CDK13: variants seen among roughly 807,000 people sequenced by gnomAD.
CDK13 encodes cyclin dependent kinase 13, also known as cyclin-dependent kinase 13.
In CDK13, 40 loss-of-function variants were observed where a neutral mutation model predicts 137.6. The ratio of observed to expected loss-of-function variants is 0.29; its 90% CI spans 0.23 to 0.38. The LOEUF is 0.38. Ranked by LOEUF, CDK13 falls within the 10% of genes least tolerant of loss-of-function variation. The pLI is 1.00. For missense variants in CDK13, 1,704 were observed against 1,951.8 expected (o/e 0.87, Z 2.39); for synonymous variants, 869 against 760.1 (o/e 1.14, Z -2.36).
At chr7:39,969,213 A>G (rs893276497) in intron 1 of CDK13, among the ~76,000 whole-genome samples, 1 of 152,034 alleles carries the variant, frequency 6.6e-6, no homozygotes, top group African/African-American at 2.4e-5. Context: ...GGGTTTCACC[A>G]TGTTGGCCAG....
rs73394653 is a variant in CDK13, at chr7:40,097,686, C to A, written c.*2706C>A. The A allele has an allele frequency of 2.1e-3, 327 of 152,182 alleles. 3 individuals carry two copies. The highest frequency in any genetic ancestry group is 0.01 in the Middle Eastern group (3 of 294). The allele number at this position is 152,182 out of a possible 1,614,324, so 9.4% of individuals were successfully genotyped here. On this transcript the variant is annotated 3_prime_UTR_variant, in exon 14 of 14. Transcript: ENST00000181839. ...AGAAGAAAGTATTTATCTTCTCCCA[C>A]GTGAAATTCCCTTTTGTATTTACTG...
intron 5 of CDK13, among the ~76,000 whole-genome samples, chr7:40,006,966 A>C (rs904067778): frequency 1.3e-5 from 2 of 152,166 alleles, no homozygotes; most frequent in Non-Finnish European, 2.9e-5. Context: ...CCCTACCCTC[A>C]AAAAGGTACT....
At chr7:39,981,584 A>G (rs1355065486) in intron 1 of CDK13, among the ~76,000 whole-genome samples, 8 of 152,176 alleles carry the variant, frequency 5.3e-5, no homozygotes, top group Non-Finnish European at 1.2e-4. Context: ...TTCCCAAACC[A>G]TGTTTGTTAT....
chr7:40,075,094 G>A (rs2150534388), intron 9 of CDK13, among the ~76,000 whole-genome samples: 1 of 152,088 alleles, frequency 6.6e-6, no homozygotes, highest in East Asian at 1.9e-4. Flanking sequence ...GTAAAGAGGT[G>A]GATAGGAGAT....
At chr7:40,091,036 C>T (rs1446709502) in intron 12 of CDK13, among the ~76,000 whole-genome samples, 10 of 151,846 alleles carry the variant, frequency 6.6e-5, no homozygotes, top group Non-Finnish European at 2.9e-5. Context: ...CATGGCAAAA[C>T]CATGTCTCTA....
At chr7:39,975,336 T>A (rs1784083586) in intron 1 of CDK13, among the ~76,000 whole-genome samples, 1 of 151,986 alleles carries the variant, frequency 6.6e-6, no homozygotes, top group African/African-American at 2.4e-5. Flanking sequence ...GCTTTGAGCC[T>A]GGGAGGTTGA....
chr7:40,043,308 G>C (rs1344491546), intron 5 of CDK13, among the ~76,000 whole-genome samples: 1 of 152,060 alleles, frequency 6.6e-6, no homozygotes, highest in Non-Finnish European at 1.5e-5. Flanking sequence ...TTTGTTTTCT[G>C]GTGTGTATTA....
At chr7:40,091,614 G>A (rs186397161) in intron 12 of CDK13, among the ~76,000 whole-genome samples, 5 of 151,878 alleles carry the variant, frequency 3.3e-5, no homozygotes, top group East Asian at 1.9e-4. Context: ...ATAAGAAAAC[G>A]CCCCTTCAGC....
intron 1 of CDK13, among the ~76,000 whole-genome samples, chr7:39,975,526 T>C (rs375191301): frequency 1.3e-3 from 203 of 152,306 alleles, no homozygotes; most frequent in African/African-American, 4.7e-3. Flanking sequence ...AATCTCCTAT[T>C]TTGTAGTATG....
chr7:40,094,449 G>C lies in CDK13; in HGVS notation c.4008G>C (p.Lys1336Asn), dbSNP rs754856422. Reference protein sequence around the residue: ...GDTYVSTSDYKDNFGSSSFSS... With the variant: ...GDTYVSTSDYNDNFGSSSFSS... ...CTTACGTGTCCACTTCAGACTACAA[G>C]GACAACTTTGGATCCTCTTCTTTCT... The change falls in exon 14 of 14, where the codon AAG becomes AAC. Residue 1336 changes from lysine to asparagine, a missense_variant. Coordinates refer to ENST00000181839, the MANE Select transcript of CDK13 (RefSeq NM_003718.5). The C allele has an allele frequency of 3.7e-6, 6 of 1,613,796 alleles. No individual in the cohort carries two copies. The African/African-American group carries it at 5.3e-5, about 14-fold the overall frequency.
intron 7 of CDK13, among the ~76,000 whole-genome samples, chr7:40,057,255 A>G (rs1374991904): frequency 6.6e-6 from 1 of 152,202 alleles, no homozygotes; most frequent in Non-Finnish European, 1.5e-5. Flanking sequence ...AACTGTCTCA[A>G]AAGAAAAAAA....
At position 39,951,006 on chromosome 7, in the gene CDK13, C is replaced by G. The variant is rs1272541164; in HGVS notation, c.365C>G (p.Ser122Trp). ...GAGGCGGAGAAGCGTCGGGTCTTCT[C>G]GCTGCCCCAGCCGCAGCAGGACGGC... ...GQEAEKRRVFSLPQPQQDGGG... is the reference protein window; with the variant it reads ...GQEAEKRRVFWLPQPQQDGGG... The change falls in exon 1 of 14, where the codon TCG (serine) becomes TGG (tryptophan). Residue 122 changes from serine (S) to tryptophan (W), a missense_variant. Ser to Trp is a radical substitution (Grantham distance 177). This residue lies in a region of CDK13 where 1,051 missense variants were observed against 931.0 expected (regional missense o/e 1.13). Coordinates refer to ENST00000181839, the MANE Select transcript of CDK13 (RefSeq NM_003718.5). 1 of 1,304,898 alleles carries G rather than the reference C, an allele frequency of 7.7e-7. No individual in the cohort carries two copies. Among genetic ancestry groups the G allele is most frequent in the Non-Finnish European group, 9.7e-7 (1 of 1,030,280 alleles). 80.8% of individuals were successfully genotyped at this position (1,304,898 alleles called of 1,614,324 possible).
At chr7:40,018,725 A>G (rs1324324865) in intron 5 of CDK13, among the ~76,000 whole-genome samples, 1 of 152,192 alleles carries the variant, frequency 6.6e-6, no homozygotes, top group Non-Finnish European at 1.5e-5. Context: ...AAATACATTC[A>G]AAGTGGTATA....
At chr7:40,007,809 T>C (rs1191451045) in intron 5 of CDK13, among the ~76,000 whole-genome samples, 39 of 152,230 alleles carry the variant, frequency 2.6e-4, no homozygotes, top group Admixed American at 2.6e-3. Context: ...TCAATTTTAT[T>C]CTTTGTGTTC....
rs144732307 is a variant in CDK13 at position 40,003,206 on chromosome 7, A to ACTCTCTCT, written c.2353+1188_2353+1195dup. On this transcript the variant is annotated intron_variant, in intron 5 of 13. Coordinates refer to ENST00000181839, the MANE Select transcript of CDK13 (RefSeq NM_003718.5). ...CACACACACACACACACACACACAC[A>ACTCTCTCT]CTCTCTCTCTCTCTCTCTCTTACTC... is the stretch of plus-strand genomic sequence containing the variant. Among the ~76,000 whole-genome samples, 337 of 79,868 alleles carry ACTCTCTCT rather than the reference A, an allele frequency of 4.2e-3. 10 individuals are homozygous for ACTCTCTCT. The highest frequency in any genetic ancestry group is 0.014 in the African/African-American group (291 of 21,044). 52.4% of individuals were successfully genotyped at this position (79,868 alleles called of 152,430 possible).
At chr7:39,976,676 T>G (rs779653645) in intron 1 of CDK13, among the ~76,000 whole-genome samples, 4 of 152,130 alleles carry the variant, frequency 2.6e-5, no homozygotes, top group Non-Finnish European at 5.9e-5. Context: ...CATACATACC[T>G]GTGATAAAGT....
At position 40,097,701 on chromosome 7, in the gene CDK13, T is replaced by C. The variant is rs988472316; in HGVS notation, c.*2721T>C. On this transcript the variant is annotated 3_prime_UTR_variant, in exon 14 of 14. Coordinates refer to ENST00000181839, the MANE Select transcript of CDK13 (RefSeq NM_003718.5). ...TCTTCTCCCACGTGAAATTCCCTTT[T>C]GTATTTACTGACACAGCAGGTTTTT... is the stretch of plus-strand genomic sequence containing the variant. 1.3e-5 allele frequency: 2 copies of C among 152,178 alleles called. No individual in the cohort carries two copies. The highest frequency in any genetic ancestry group is 4.8e-5 in the African/African-American group (2 of 41,458). 9.4% of individuals were successfully genotyped at this position (152,178 alleles called of 1,614,324 possible). A position where few individuals can be genotyped will look rare whatever the true frequency, so the allele number is the denominator to read the frequency against.
chr7:40,062,600 T>C (rs1786180141), intron 7 of CDK13: 1 of 466,300 alleles, frequency 2.1e-6, no homozygotes, highest in African/African-American at 2.0e-5. Context: ...CTACTTTTTG[T>C]TTTTATCTTC....
intron 12 of CDK13, 145 bp downstream of exon 12, chr7:40,088,476 A>C: frequency 1.5e-6 from 1 of 679,770 alleles, no homozygotes; most frequent in South Asian, 2.2e-5. Flanking sequence ...GTGCCAGTAC[A>C]GAAGTTTCAT....
Sources: gnomAD v4.1 joint callset for allele counts (sites outside exome capture counted in the v4.1 genomes callset) on GRCh38, gnomAD v4.1.1 for gene constraint, gnomAD v4.1.1 regional missense constraint, MANE v1.5 for transcripts, NCBI Gene and HGNC (gene_info 2026-07-23, HGNC 2026-07-21) for gene names.